MALRD1: variants seen among roughly 807,000 people sequenced by gnomAD.
The protein encoded by MALRD1 is MAM and LDL receptor class A domain containing 1.
Under a neutral mutation model 242.1 loss-of-function variants are expected in MALRD1, and 247 were observed. The ratio of observed to expected loss-of-function variants is 1.02; its 90% CI spans 0.92 to 1.13. MALRD1 has a LOEUF of 1.13. MALRD1 is among the 50% of genes most tolerant of loss of function. MALRD1 has a pLI of 0.00. For missense variants in MALRD1, 2,989 were observed against 2,533.1 expected (o/e 1.18, Z -3.86); for synonymous variants, 995 against 866.6 (o/e 1.15, Z -2.60).
chr10:19,270,187 G>C (rs887954210), intron 19 of MALRD1, among the ~76,000 whole-genome samples: 8 of 152,084 alleles, frequency 5.3e-5, no homozygotes, highest in African/African-American at 1.9e-4. Context: ...ATGGTGGTAG[G>C]TGCCTGTAAT....
At chr10:19,521,478 C>T (rs753155231) in intron 31 of MALRD1, among the ~76,000 whole-genome samples, 2 of 152,082 alleles carry the variant, frequency 1.3e-5, no homozygotes, top group Non-Finnish European at 2.9e-5. Context: ...AATAACCATT[C>T]CTCATGCACT....
intron 12 of MALRD1, among the ~76,000 whole-genome samples, chr10:19,164,018 A>G (rs145274499): frequency 0.012 from 1,872 of 152,348 alleles, 13 homozygotes; most frequent in Non-Finnish European, 0.02. Context: ...CTTGGGACAT[A>G]GTGAAACTTA....
intron 36 of MALRD1, among the ~76,000 whole-genome samples, chr10:19,686,806 G>T (rs1341514513): frequency 6.6e-6 from 1 of 152,148 alleles, no homozygotes; most frequent in Non-Finnish European, 1.5e-5. Flanking sequence ...TTTGAAGGCG[G>T]CAACCACAGC....
chr10:19,257,822 A>G, intron 19 of MALRD1, 51 bp downstream of exon 19: 4 of 1,225,430 alleles, frequency 3.3e-6, no homozygotes, highest in Non-Finnish European at 4.4e-6. Context: ...GTTTACTTGG[A>G]AAACTTGCAA....
At chr10:19,326,805 T>G (rs886610557) in intron 22 of MALRD1, among the ~76,000 whole-genome samples, 2 of 148,872 alleles carry the variant, frequency 1.3e-5, no homozygotes, top group Admixed American at 6.7e-5. Flanking sequence ...GAATAATTGT[T>G]TGGTTGTATG....
At chr10:19,656,044 A>G (rs1233700989) in intron 36 of MALRD1, among the ~76,000 whole-genome samples, 2 of 152,154 alleles carry the variant, frequency 1.3e-5, no homozygotes, top group Admixed American at 1.3e-4. Context: ...GTTTAAGTGT[A>G]AGGATTAAAT....
At chr10:19,682,056 T>C (rs922746285) in intron 36 of MALRD1, among the ~76,000 whole-genome samples, 1 of 152,192 alleles carries the variant, frequency 6.6e-6, no homozygotes, top group Non-Finnish European at 1.5e-5. Context: ...TACTTTATTT[T>C]ACTTCAGACT....
chr10:19,365,552 G>T (rs73593881), intron 26 of MALRD1, among the ~76,000 whole-genome samples: 1 of 148,330 alleles, frequency 6.7e-6, no homozygotes, highest in South Asian at 2.1e-4. Context: ...CTTTGTCTCT[G>T]GTATTCCACT....
intron 18 of MALRD1, among the ~76,000 whole-genome samples, chr10:19,256,868 GA>G (rs1159744239): frequency 6.6e-6 from 1 of 152,044 alleles, no homozygotes; most frequent in African/African-American, 2.4e-5. Context: ...ATAATAATGG[GA>G]AAACATAATG....
chr10:19,250,782 A>G (rs1486848823), intron 18 of MALRD1, among the ~76,000 whole-genome samples: 1 of 151,880 alleles, frequency 6.6e-6, no homozygotes. Context: ...TTTAGATTCC[A>G]AAGTAAAGAT....
At chr10:19,226,576 A>C (rs1199357959) in intron 18 of MALRD1, among the ~76,000 whole-genome samples, 1 of 152,094 alleles carries the variant, frequency 6.6e-6, no homozygotes, top group East Asian at 1.9e-4. Flanking sequence ...TTCCCATGAA[A>C]CCTTATAGGT....
intron 33 of MALRD1, among the ~76,000 whole-genome samples, chr10:19,585,854 C>T (rs1346380136): frequency 6.6e-6 from 1 of 152,202 alleles, no homozygotes; most frequent in Non-Finnish European, 1.5e-5. Context: ...CTGTCACTTT[C>T]AGGTACACCA....
At chr10:19,514,084 C>G (rs3904486) in intron 31 of MALRD1, among the ~76,000 whole-genome samples, 85,174 of 152,076 alleles carry the variant, frequency 0.56, 24,212 homozygotes, top group African/African-American at 0.65. Flanking sequence ...TTTCAGGAAC[C>G]TAACAGAATA....
chr10:19,136,862 C>A, intron 10 of MALRD1, 81 bp downstream of exon 10: 1 of 977,818 alleles, frequency 1.0e-6, no homozygotes, highest in Non-Finnish European at 1.3e-6. Context: ...TTGTTTCTAT[C>A]AAGGCAAAGG....
chr10:19,326,113 G>A (rs1168974247), intron 22 of MALRD1, among the ~76,000 whole-genome samples: 1 of 152,122 alleles, frequency 6.6e-6, no homozygotes, highest in Non-Finnish European at 1.5e-5. Flanking sequence ...GCATGGTTAT[G>A]TTTAATAATC....
intron 32 of MALRD1, among the ~76,000 whole-genome samples, chr10:19,540,081 A>G (rs1834896296): frequency 6.6e-6 from 1 of 151,706 alleles, no homozygotes; most frequent in South Asian, 2.1e-4. Context: ...GGCCACCAAG[A>G]CTGTATCTTC....
At chr10:19,265,289 C>G (rs1839925631) in intron 19 of MALRD1, among the ~76,000 whole-genome samples, 1 of 151,416 alleles carries the variant, frequency 6.6e-6, no homozygotes, top group African/African-American at 2.4e-5. Flanking sequence ...TTTTCAAGTT[C>G]CTTGAGGTAT....
intron 36 of MALRD1, among the ~76,000 whole-genome samples, chr10:19,618,586 A>T (rs1341840041): frequency 6.6e-6 from 1 of 151,946 alleles, no homozygotes; most frequent in Non-Finnish European, 1.5e-5. Context: ...ATGATCAGTG[A>T]TGTTGGGCTT....
chr10:19,448,321 G>C (rs1835117878), intron 28 of MALRD1, among the ~76,000 whole-genome samples: 1 of 151,652 alleles, frequency 6.6e-6, no homozygotes, highest in Non-Finnish European at 1.5e-5. Context: ...CTACTTTTTT[G>C]ATTACAAGCT....
Sources: allele counts gnomAD v4.1 joint callset (sites outside exome capture counted in the v4.1 genomes callset), GRCh38; gene constraint gnomAD v4.1.1; transcripts MANE v1.5; gene names NCBI Gene and HGNC (gene_info 2026-07-23, HGNC 2026-07-21).